TGM7: variants seen among roughly 807,000 people sequenced by gnomAD.
TGM7 encodes the protein transglutaminase 7.
Under a neutral mutation model 79.5 loss-of-function variants are expected in TGM7, and 74 were observed. The ratio of observed to expected loss-of-function variants is 0.93; its 90% confidence interval spans 0.77 to 1.13. The LOEUF is 1.13. TGM7 is among the 50% of genes most tolerant of loss of function. TGM7 has a pLI of 0.00. For missense variants in TGM7, 912 were observed against 905.9 expected (o/e 1.01, Z -0.09); for synonymous variants, 354 against 362.5 (o/e 0.98, Z 0.27).
At chr15:43,295,507 C>T (rs2042987923) in intron 1 of TGM7, among the ~76,000 whole-genome samples, 1 of 152,240 alleles carries the variant, frequency 6.6e-6, no homozygotes, top group South Asian at 2.1e-4. Context: ...GGAGAATTGC[C>T]TGAGCCCAGG....
Position 43,292,740 on chromosome 15 carries a change from A to C in TGM7, c.408T>G (p.Thr136=). 1 of 1,614,172 alleles carries C rather than the reference A, an allele frequency of 6.2e-7. No homozygotes were observed. Among genetic ancestry groups the C allele is most frequent in the South Asian group, 1.1e-5 (1 of 91,082 alleles). ...QGHSVTYPLG[T]FILLFNPWSP... ...TCCAAGGGTTAAAAAGTAGGATGAA[A>C]GTTCCCAGCGGGTAAGTCACACTGT... Residue 136 remains threonine (T), a synonymous_variant, in exon 3 of 13, where the codon ACT becomes ACG. Transcript: ENST00000452443.
In TGM7 at chr15:43,288,097, A is replaced by G. The variant is rs111364301; in HGVS notation, c.559-428T>C. ...GAAGAAGCAGGGAAGGGATCAGAGC[A>G]GAAAAAGTCTAGAGATCAATGTAGG... On this transcript the variant is annotated intron_variant, in intron 4 of 12. Transcript: ENST00000452443. 4.3e-3 allele frequency among the ~76,000 whole-genome samples: 658 copies of G among 152,324 alleles called. 5 individuals carry two copies. Among genetic ancestry groups the G allele is most frequent in the Middle Eastern group, 0.024 (7 of 294 alleles).
chr15:43,297,587 T>TAGAAAGAAGGAA (rs2043004040), intron 1 of TGM7, among the ~76,000 whole-genome samples: 1 of 114,482 alleles, frequency 8.7e-6, no homozygotes, highest in Non-Finnish European at 1.7e-5. Flanking sequence ...TCTGCATGTA[T>TAGAAAGAAGGAA]AGAAAGAAAG....
chr15:43,284,353 C>CAG (rs1476527395), intron 7 of TGM7, among the ~76,000 whole-genome samples: 1 of 151,862 alleles, frequency 6.6e-6, no homozygotes, highest in Non-Finnish European at 1.5e-5. Context: ...TACACACACA[C>CAG]ACACACGCAT....
chr15:43,294,269 T>G (rs1252308560), intron 1 of TGM7, among the ~76,000 whole-genome samples: 1 of 152,174 alleles, frequency 6.6e-6, no homozygotes, highest in African/African-American at 2.4e-5. Context: ...TCTCAGCCAT[T>G]TCCAGGTCTA....
intron 11 of TGM7, 80 bp from the exon 12 acceptor site, chr15:43,277,075 T>G: frequency 1.9e-6 from 3 of 1,547,920 alleles, no homozygotes; most frequent in Middle Eastern, 2.0e-4. Context: ...CACCCCCAGG[T>G]CCCTGGCGAC....
chr15:43,283,024 TG>T (rs1227792182), intron 7 of TGM7, among the ~76,000 whole-genome samples: 1 of 152,176 alleles, frequency 6.6e-6, no homozygotes, highest in African/African-American at 2.4e-5. Context: ...CACTCCAGCC[TG>T]GGCCACAGAG....
At chr15:43,297,478 A>C (rs1368228967) in intron 1 of TGM7, among the ~76,000 whole-genome samples, 1 of 147,826 alleles carries the variant, frequency 6.8e-6, no homozygotes, top group African/African-American at 2.6e-5. Context: ...AGAGACAGAA[A>C]GAGAGAAAGA....
At chr15:43,278,149 C>T (rs1206570685) in intron 11 of TGM7, among the ~76,000 whole-genome samples, 3 of 152,172 alleles carry the variant, frequency 2.0e-5, no homozygotes, top group African/African-American at 7.2e-5. Context: ...TCTGGAGCTG[C>T]CCAGTTCTCT....
intron 4 of TGM7, among the ~76,000 whole-genome samples, chr15:43,290,293 T>G (rs1352255471): frequency 6.6e-6 from 1 of 152,182 alleles, no homozygotes; most frequent in African/African-American, 2.4e-5. Context: ...GGCTAGCCAG[T>G]TTTCCCAGCA....
intron 9 of TGM7, 34 bp from the exon 10 acceptor site, chr15:43,279,985 G>C: frequency 1.3e-6 from 2 of 1,593,822 alleles, no homozygotes; most frequent in Non-Finnish European, 8.6e-7. Flanking sequence ...GACATGCATG[G>C]GGAGGGGTGG....
intron 11 of TGM7, 144 bp downstream of exon 11, chr15:43,278,973 A>G (rs2042891503): frequency 1.2e-6 from 1 of 809,146 alleles, no homozygotes; most frequent in Non-Finnish European, 1.8e-6. Context: ...CCACGCTGGT[A>G]CAGAGCACTA....
intron 4 of TGM7, among the ~76,000 whole-genome samples, chr15:43,290,523 G>T (rs1339088137): frequency 1.3e-5 from 2 of 152,120 alleles, no homozygotes; most frequent in Non-Finnish European, 2.9e-5. Context: ...TGTTCTTTTG[G>T]CTTAGGATTG....
Position 43,287,262 on chromosome 15 carries a change from G to A in TGM7, c.865+18C>T, listed in dbSNP as rs1006637274. The A allele has an allele frequency of 1.2e-6, 2 of 1,609,652 alleles. No homozygotes were observed. The highest frequency in any genetic ancestry group is 1.7e-6 in the Non-Finnish European group (2 of 1,178,520). ...AATGAAGTTAATCACACCCCTAAGT[G>A]AGTGATCTTTCGCTCACCGGTGCAC... On this transcript the variant is annotated intron_variant, in intron 6 of 12. Transcript: ENST00000452443.
At chr15:43,285,615 G>A (rs1312270668) in intron 6 of TGM7, among the ~76,000 whole-genome samples, 1 of 152,130 alleles carries the variant, frequency 6.6e-6, no homozygotes, top group East Asian at 1.9e-4. Context: ...ACAAGAGGTA[G>A]GGGGAGGTAT....
Position 43,276,588 on chromosome 15 carries a change from G to A in TGM7, c.2000C>T (p.Thr667Ile). The A allele has an allele frequency of 6.2e-7, 1 of 1,613,954 alleles. No individual in the cohort carries two copies. The change falls in exon 13 of 13, where the codon ACC becomes ATC. Residue 667 changes from threonine (T) to isoleucine (I), a missense_variant. Physicochemically the swap from Thr to Ile is moderately conservative, Grantham distance 89. Coordinates refer to ENST00000452443, the MANE Select transcript of TGM7 (RefSeq NM_052955.3). ...KDLGTLVAGH[T>I]LQIQLDLYPT... Reference sequence around the variant, plus strand: ...GTAGAGGTCCAGTTGAATTTGGAGGGTGTGTCCGGCCACCAGAGTCCCAAG... The same window carrying A: ...GTAGAGGTCCAGTTGAATTTGGAGGATGTGTCCGGCCACCAGAGTCCCAAG...
chr15:43,290,336 T>G lies in TGM7; in HGVS notation c.558+1643A>C, dbSNP rs544311553. Among the ~76,000 whole-genome samples the G allele has an allele frequency of 1.9e-4, 29 of 152,258 alleles. No individual in the cohort carries two copies. The East Asian group carries it at 3.9e-3, about 20-fold the overall frequency. The stretch of plus-strand genomic sequence containing the variant: ...TTAAATAGGGAATCCTTTCCCCATT[T>G]CTTGTTTTTGTCAGGTTTGTCAAAG... On this transcript the variant is annotated intron_variant, in intron 4 of 12. Coordinates refer to ENST00000452443, the MANE Select transcript of TGM7 (RefSeq NM_052955.3).
Position 43,284,948 on chromosome 15 carries a change from CATT to C in TGM7, c.867_869del (p.Met290del). The C allele has an allele frequency of 3.1e-6, 5 of 1,614,100 alleles. No homozygotes were observed. The highest frequency in any genetic ancestry group is 3.4e-6 in the Non-Finnish European group (4 of 1,179,998). On this transcript the variant is annotated inframe_deletion and splice_region_variant, in exon 7 of 13. Transcript: ENST00000452443. ...CACGGGTTGGAACACCTAAGCATCT[CATT>C]ACTAAAGAGAAAAATATAGAGAATC...
At chr15:43,296,122 T>C (rs200058600) in intron 1 of TGM7, among the ~76,000 whole-genome samples, 1 of 152,096 alleles carries the variant, frequency 6.6e-6, no homozygotes, top group Non-Finnish European at 1.5e-5. Flanking sequence ...AAATCATAGA[T>C]CATAGTTAAA....
Sources: gnomAD v4.1 joint callset for allele counts (sites outside exome capture counted in the v4.1 genomes callset) on GRCh38, gnomAD v4.1.1 for gene constraint, MANE v1.5 for transcripts, NCBI Gene and HGNC (gene_info 2026-07-23, HGNC 2026-07-21) for gene names.